The following SLCO1A2 variants were observed in gnomAD, a reference collection of about 807,000 sequenced individuals.
The protein encoded by SLCO1A2 is OATP-1.
A neutral mutation model predicts 69.0 loss-of-function variants in SLCO1A2; 67 were observed. That is an observed-to-expected ratio of 0.97 (90% CI 0.80 to 1.19). The LOEUF (loss-of-function observed/expected upper bound fraction) is 1.19, where lower values mean the gene tolerates loss of function less well. SLCO1A2 is among the 50% of genes most tolerant of loss of function. The probability of loss-of-function intolerance (pLI) is 0.00; values close to 1 mark genes in which losing one functional copy is unlikely to be tolerated. For synonymous variants in SLCO1A2, 260 were observed against 265.9 expected (o/e 0.98, Z 0.22); for missense variants, 787 against 793.7 (o/e 0.99, Z 0.10).
chr12:21,298,839 T>C (rs984930587), intron 8 of SLCO1A2, among the ~76,000 whole-genome samples: 2 of 152,190 alleles, frequency 1.3e-5, no homozygotes, highest in African/African-American at 2.4e-5. Context: ...AGAATGATTC[T>C]GAGAATTTGC....
At chr12:21,359,827 C>G (rs1181841571) in intron 2 of SLCO1A2, among the ~76,000 whole-genome samples, 2 of 151,902 alleles carry the variant, frequency 1.3e-5, no homozygotes, top group African/African-American at 4.8e-5. Context: ...TGTGTCAACA[C>G]AAAGACTTGT....
At chr12:21,295,897 A>T in intron 9 of SLCO1A2, 105 bp from the exon 10 acceptor site, 3 of 626,194 alleles carry the variant, frequency 4.8e-6, no homozygotes, top group Non-Finnish European at 5.5e-6. Flanking sequence ...TTTAGGTCCA[A>T]CTCATAGTGA....
intron 2 of SLCO1A2, among the ~76,000 whole-genome samples, chr12:21,371,115 G>A (rs1413943267): frequency 6.6e-6 from 1 of 152,168 alleles, no homozygotes; most frequent in Non-Finnish European, 1.5e-5. Context: ...GATGGTTTAT[G>A]CGGAAATTTC....
chr12:21,274,249 G>A (rs2136089069), intron 14 of SLCO1A2: 1 of 435,060 alleles, frequency 2.3e-6, no homozygotes. Flanking sequence ...CAAGGTTAGG[G>A]AAGCCATGTA....
At position 21,269,268 on chromosome 12, in the gene SLCO1A2, A is replaced by C. The variant is rs747660567; in HGVS notation, c.*280T>G. Reference sequence around the variant, plus strand: ...AAGGAGATGTAGGAAGTACACCCTTACTTCGATGAATTAAGGGAAATTGCT... The same window carrying C: ...AAGGAGATGTAGGAAGTACACCCTTCCTTCGATGAATTAAGGGAAATTGCT... On this transcript the variant is annotated 3_prime_UTR_variant, in exon 15 of 15. Coordinates refer to ENST00000683939, the MANE Select transcript of SLCO1A2 (RefSeq NM_001386879.1). The C allele has an allele frequency of 9.6e-5, 24 of 249,258 alleles. No individual in the cohort carries two copies. Among genetic ancestry groups the C allele is most frequent in the Non-Finnish European group, 1.8e-4 (24 of 130,930 alleles). The allele number at this position is 249,258 out of a possible 1,614,324, so 15.4% of individuals were successfully genotyped here.
chr12:21,358,435 T>G (rs939185399), intron 2 of SLCO1A2, among the ~76,000 whole-genome samples: 2 of 152,208 alleles, frequency 1.3e-5, no homozygotes, highest in Admixed American at 6.5e-5. Flanking sequence ...GGCAATCCAC[T>G]AACGAGATGG....
rs960741355 is a variant in SLCO1A2 at position 21,352,879 on chromosome 12, TCC to T, written c.-62-18172_-62-18171del. Among the ~76,000 whole-genome samples the T allele has an allele frequency of 7.0e-4, 107 of 152,342 alleles. 1 individual carries two copies. The highest frequency in any genetic ancestry group is 2.5e-3 in the African/African-American group (105 of 41,576). Reference sequence around the variant, plus strand: ...TATCTCAGTAAGCTTGGCCAGTTTGTCCCACTCAATTTACATTTAAAGTGAAA... The same window carrying T: ...TATCTCAGTAAGCTTGGCCAGTTTGTCACTCAATTTACATTTAAAGTGAAA... On this transcript the variant is annotated intron_variant, in intron 2 of 15. Coordinates refer to the SLCO1A2 transcript ENST00000307378.
intron 12 of SLCO1A2, among the ~76,000 whole-genome samples, chr12:21,276,883 C>T (rs1430335347): frequency 6.6e-6 from 1 of 152,248 alleles, no homozygotes; most frequent in Non-Finnish European, 1.5e-5. Context: ...CACCCAGCCC[C>T]ACAGTTAGAA....
intron 2 of SLCO1A2, among the ~76,000 whole-genome samples, chr12:21,369,024 G>C (rs1939595533): frequency 6.6e-6 from 1 of 152,112 alleles, no homozygotes; most frequent in African/African-American, 2.4e-5. Flanking sequence ...ACTGTGTGGA[G>C]AGCAAAATTT....
chr12:21,418,465 A>G (rs909753014), upstream of SLCO1A2, among the ~76,000 whole-genome samples: 2 of 152,180 alleles, frequency 1.3e-5, no homozygotes, highest in African/African-American at 4.8e-5. Context: ...TATAAAGAAA[A>G]AGAGGTTTAG....
chr12:21,302,993 A>G (rs11045956), intron 6 of SLCO1A2, among the ~76,000 whole-genome samples: 16,130 of 152,062 alleles, frequency 0.11, 969 homozygotes, highest in Non-Finnish European at 0.13. Context: ...CACCTGGTCA[A>G]TTTTCCAACT....
At chr12:21,393,619 AT>A in intron 1 of SLCO1A2, among the ~76,000 whole-genome samples, 1 of 152,158 alleles carries the variant, frequency 6.6e-6, no homozygotes, top group Non-Finnish European at 1.5e-5. Flanking sequence ...GCCCAATTTA[AT>A]TTTTTTAGGC....
intron 1 of SLCO1A2, among the ~76,000 whole-genome samples, chr12:21,415,852 C>T (rs1941980259): frequency 6.6e-6 from 1 of 151,228 alleles, no homozygotes; most frequent in African/African-American, 2.4e-5. Context: ...TTTCCATTAC[C>T]CTCCTCATCT....
chr12:21,415,481 C>CA (rs1322809539), intron 1 of SLCO1A2, among the ~76,000 whole-genome samples: 1 of 152,018 alleles, frequency 6.6e-6, no homozygotes, highest in African/African-American at 2.4e-5. Context: ...TTTTGTGTGG[C>CA]AAACCTGAGA....
At chr12:21,362,592 GAC>G (rs1939004433) in intron 2 of SLCO1A2, among the ~76,000 whole-genome samples, 1 of 152,136 alleles carries the variant, frequency 6.6e-6, no homozygotes, top group Non-Finnish European at 1.5e-5. Context: ...CCAATTAGAA[GAC>G]ACAGACTGGC....
intron 1 of SLCO1A2, chr12:21,403,711 C>CTTTTTTTTTTTTT (rs71043273): frequency 1.2e-5 from 1 of 84,326 alleles, no homozygotes. Flanking sequence ...CTCCTCCTTG[C>CTTTTTTTTTTTTT]TTTTTTTTTT....
intron 1 of SLCO1A2, among the ~76,000 whole-genome samples, chr12:21,394,603 AAAAG>A (rs1470011411): frequency 1.3e-5 from 2 of 152,096 alleles, no homozygotes; most frequent in African/African-American, 2.4e-5. Context: ...AAAAAAAAGA[AAAAG>A]AAAAGTGCAG....
At chr12:21,397,220 A>T (rs1480474003), upstream of SLCO1A2, among the ~76,000 whole-genome samples, 2 of 150,550 alleles carry the variant, frequency 1.3e-5, no homozygotes, top group African/African-American at 4.9e-5. Context: ...AGGGGTTGCA[A>T]TCCTAGTCTC....
At chr12:21,356,145 G>A (rs940252414) in intron 2 of SLCO1A2, among the ~76,000 whole-genome samples, 2 of 151,950 alleles carry the variant, frequency 1.3e-5, no homozygotes, top group Non-Finnish European at 2.9e-5. Flanking sequence ...GTGACTTTGA[G>A]TATGTTACTA....
Sources: allele counts gnomAD v4.1 joint callset (sites outside exome capture counted in the v4.1 genomes callset), GRCh38; gene constraint gnomAD v4.1.1; transcripts MANE v1.5; gene names NCBI Gene and HGNC (gene_info 2026-07-23, HGNC 2026-07-21).